The following CDH12 variants were observed in gnomAD, a reference collection of about 807,000 sequenced individuals.
CDH12 encodes the protein cadherin 12.
CDH12 carries 41 observed loss-of-function variants against 74.1 expected under a neutral mutation model. The observed-to-expected ratio is 0.55, with a 90% CI of 0.43 to 0.72. The LOEUF (loss-of-function observed/expected upper bound fraction) is 0.72. Among genes scored for constraint, CDH12 ranks in the 30% least tolerant of loss-of-function variants. CDH12 has a pLI of 0.00. For missense variants in CDH12, 945 were observed against 977.2 expected (o/e 0.97, Z 0.44); for synonymous variants, 399 against 355.0 (o/e 1.12, Z -1.39).
intron 3 of CDH12, among the ~76,000 whole-genome samples, chr5:22,373,831 A>G (rs998705337): frequency 6.6e-6 from 1 of 152,204 alleles, no homozygotes; most frequent in Non-Finnish European, 1.5e-5. Flanking sequence ...GGAAGAAGTG[A>G]CTATTACAAC....
intron 6 of CDH12, among the ~76,000 whole-genome samples, chr5:21,900,459 T>C (rs1753333476): frequency 6.6e-6 from 1 of 152,200 alleles, no homozygotes; most frequent in Admixed American, 6.5e-5. Context: ...TATCACATCA[T>C]CTTATATCAT....
chr5:22,581,994 GCACATTTT>G (rs1740127645), intron 1 of CDH12, among the ~76,000 whole-genome samples: 1 of 151,948 alleles, frequency 6.6e-6, no homozygotes, highest in Non-Finnish European at 1.5e-5. Context: ...GTAACTCACG[GCACATTTT>G]ATGAGAGTAA....
intron 1 of CDH12, among the ~76,000 whole-genome samples, chr5:22,829,228 C>G (rs1292857903): frequency 6.6e-6 from 1 of 152,138 alleles, no homozygotes; most frequent in Non-Finnish European, 1.5e-5. Flanking sequence ...CTTATACTAA[C>G]TGGAGGACTT....
chr5:22,508,168 G>A (rs1047445699), intron 1 of CDH12, among the ~76,000 whole-genome samples: 2 of 152,122 alleles, frequency 1.3e-5, no homozygotes, highest in Admixed American at 6.6e-5. Flanking sequence ...ATTAGAACAT[G>A]GCTGTCTTTG....
At chr5:22,134,148 T>C (rs1220865383) in intron 4 of CDH12, among the ~76,000 whole-genome samples, 1 of 152,110 alleles carries the variant, frequency 6.6e-6, no homozygotes, top group Non-Finnish European at 1.5e-5. Flanking sequence ...GTGACCATCA[T>C]GACCTTGTAC....
At chr5:22,454,144 G>A (rs111401447) in intron 2 of CDH12, among the ~76,000 whole-genome samples, 2,892 of 152,124 alleles carry the variant, frequency 0.019, 51 homozygotes, top group African/African-American at 0.041. Flanking sequence ...CATGGGGAAG[G>A]GGGAGAAGAT....
At chr5:22,280,744 C>CA (rs1736842308) in intron 3 of CDH12, among the ~76,000 whole-genome samples, 1 of 151,976 alleles carries the variant, frequency 6.6e-6, no homozygotes, top group South Asian at 2.1e-4. Flanking sequence ...GCTTACCAAT[C>CA]AAAAAAAGTC....
chr5:22,004,380 T>A (rs1736810387), intron 5 of CDH12, among the ~76,000 whole-genome samples: 1 of 152,178 alleles, frequency 6.6e-6, no homozygotes, highest in South Asian at 2.1e-4. Context: ...GGAAGGTTCA[T>A]ATTTCACTCA....
intron 3 of CDH12, among the ~76,000 whole-genome samples, chr5:22,389,650 A>ATT (rs33947511): frequency 0.069 from 9,530 of 138,300 alleles, 342 homozygotes; most frequent in South Asian, 0.1. Context: ...TAAAAAGACA[A>ATT]TTTTTTTTTT....
chr5:22,723,123 G>T (rs1177591564), intron 1 of CDH12, among the ~76,000 whole-genome samples: 1 of 152,152 alleles, frequency 6.6e-6, no homozygotes, highest in Non-Finnish European at 1.5e-5. Flanking sequence ...CTTTAAAAGG[G>T]TTATAAGGCT....
chr5:22,616,548 C>T (rs1737699105), intron 1 of CDH12, among the ~76,000 whole-genome samples: 1 of 152,008 alleles, frequency 6.6e-6, no homozygotes, highest in Non-Finnish European at 1.5e-5. Context: ...CTGCTTTTCT[C>T]TGTTGGAGGT....
At chr5:22,005,063 C>T (rs1736858064) in intron 5 of CDH12, among the ~76,000 whole-genome samples, 1 of 151,894 alleles carries the variant, frequency 6.6e-6, no homozygotes, top group African/African-American at 2.4e-5. Context: ...TTTATTGAGA[C>T]AGAGTCTTGC....
intron 6 of CDH12, among the ~76,000 whole-genome samples, chr5:21,856,896 G>T (rs1750781911): frequency 6.6e-6 from 1 of 151,754 alleles, no homozygotes; most frequent in African/African-American, 2.4e-5. Flanking sequence ...TTACAGTATA[G>T]GTTAATCCTT....
intron 3 of CDH12, among the ~76,000 whole-genome samples, chr5:22,374,920 T>C (rs114295011): frequency 0.022 from 3,338 of 151,994 alleles, 63 homozygotes; most frequent in African/African-American, 0.051. Flanking sequence ...CTCTATCAAA[T>C]TATCAACATC....
At chr5:22,087,956 A>C (rs1416005181) in intron 4 of CDH12, among the ~76,000 whole-genome samples, 1 of 152,182 alleles carries the variant, frequency 6.6e-6, no homozygotes, top group African/African-American at 2.4e-5. Flanking sequence ...CAGTTGTAGT[A>C]ATACCATCAA....
intron 1 of CDH12, among the ~76,000 whole-genome samples, chr5:22,627,736 A>G (rs1006383852): frequency 6.6e-6 from 1 of 152,138 alleles, no homozygotes; most frequent in Non-Finnish European, 1.5e-5. Flanking sequence ...GCACATATCA[A>G]TATTACCCTT....
chr5:22,703,978 C>T (rs1336306106), intron 1 of CDH12, among the ~76,000 whole-genome samples: 2 of 152,034 alleles, frequency 1.3e-5, no homozygotes, highest in Non-Finnish European at 2.9e-5. Context: ...GTAAAACAAC[C>T]TCCTTTCTTT....
intron 3 of CDH12, among the ~76,000 whole-genome samples, chr5:22,299,811 TC>T (rs1737789598): frequency 6.6e-6 from 1 of 152,212 alleles, no homozygotes; most frequent in Admixed American, 6.6e-5. Context: ...TTCTTATTTT[TC>T]TTGATATTAG....
chr5:22,268,406 C>T (rs868711044), intron 3 of CDH12, among the ~76,000 whole-genome samples: 4 of 152,048 alleles, frequency 2.6e-5, no homozygotes, highest in South Asian at 2.1e-4. Flanking sequence ...GCAGTTTTAA[C>T]TCTGGTTAAT....
Sources: gnomAD v4.1 joint callset for allele counts (sites outside exome capture counted in the v4.1 genomes callset) on GRCh38, gnomAD v4.1.1 for gene constraint, MANE v1.5 for transcripts, NCBI Gene and HGNC (gene_info 2026-07-23, HGNC 2026-07-21) for gene names.